The following KARS1 variants were observed in gnomAD, a reference collection of about 807,000 sequenced individuals.
KARS1 encodes the protein lysine--tRNA ligase.
KARS1 carries 50 observed loss-of-function variants against 63.9 expected under a neutral mutation model. The observed-to-expected ratio is 0.78, with a 90% CI of 0.62 to 0.99. KARS1 has a LOEUF of 0.99. Ranked by LOEUF, KARS1 falls within the 50% of genes least tolerant of loss-of-function variation. KARS1 has a pLI of 0.00. For synonymous variants in KARS1, 320 were observed against 264.6 expected (o/e 1.21, Z -2.03); for missense variants, 816 against 754.5 (o/e 1.08, Z -0.95).
At chr16:75,636,414 G>A (rs1310651006) in intron 4 of KARS1, 40 bp downstream of exon 4, 17 of 1,318,356 alleles carry the variant, frequency 1.3e-5, no homozygotes, top group Non-Finnish European at 1.9e-5. Flanking sequence ...GTTGCTCTAG[G>A]CCAACCAAGA....
chr16:75,640,670 C>T (rs1301308126), intron 2 of KARS1, among the ~76,000 whole-genome samples: 3 of 152,178 alleles, frequency 2.0e-5, no homozygotes, highest in Non-Finnish European at 2.9e-5. Flanking sequence ...CATGGTGAGT[C>T]GAGTCACTTA....
At position 75,642,786 on chromosome 16, in the gene KARS1, C is replaced by T. The variant is rs367996002; in HGVS notation, c.63-1063G>A. 7 of 152,278 alleles carry T rather than the reference C, an allele frequency of 4.6e-5. No homozygotes were observed. The East Asian group carries it at 5.8e-4, about 13-fold the overall frequency. The allele number at this position is 152,278 out of a possible 1,614,324, so 9.4% of individuals were successfully genotyped here. On this transcript the variant is annotated intron_variant, in intron 1 of 13. Coordinates refer to ENST00000302445, the MANE Select transcript of KARS1 (RefSeq NM_005548.3). ...TAGTCAGGCTGCCTGGGACTAAATTCCAACACACTTGTCAATTATGTGACT... is the reference window on the plus strand; with the variant it reads ...TAGTCAGGCTGCCTGGGACTAAATTTCAACACACTTGTCAATTATGTGACT...
chr16:75,643,645 C>T (rs1034073575), intron 1 of KARS1, among the ~76,000 whole-genome samples: 3 of 152,186 alleles, frequency 2.0e-5, no homozygotes, highest in Admixed American at 2.0e-4. Flanking sequence ...TCCCAAAGTG[C>T]TGGGATTACA....
At chr16:75,644,293 C>G (rs1328771297) in intron 1 of KARS1, 3 of 1,600,910 alleles carry the variant, frequency 1.9e-6, no homozygotes, top group Non-Finnish European at 2.6e-6. Flanking sequence ...CTTCTTTGAT[C>G]AGAAAATGAC....
chr16:75,639,250 A>T (rs1042640907), intron 3 of KARS1, among the ~76,000 whole-genome samples: 2 of 152,166 alleles, frequency 1.3e-5, no homozygotes, highest in Non-Finnish European at 2.9e-5. Context: ...GTATCTGAGA[A>T]TACTGAACTA....
At chr16:75,635,535 C>T in intron 6 of KARS1, 145 bp downstream of exon 6, 1 of 942,006 alleles carries the variant, frequency 1.1e-6, no homozygotes, top group Non-Finnish European at 1.7e-6. Flanking sequence ...CAAGGTAGAA[C>T]AGAGACGATG....
chr16:75,631,086 C>A, intron 10 of KARS1, 82 bp downstream of exon 10: 2 of 1,054,008 alleles, frequency 1.9e-6, no homozygotes, highest in East Asian at 2.5e-5. Flanking sequence ...TGAACTCTCC[C>A]CAGTGGGGTT....
At chr16:75,636,631 ATTTTT>A in intron 3 of KARS1, 84 bp from the exon 4 acceptor site, 1 of 727,920 alleles carries the variant, frequency 1.4e-6, no homozygotes, top group Non-Finnish European at 2.3e-6. Flanking sequence ...CTCCCTCTGC[ATTTTT>A]TTTTTTGTTT....
chr16:75,633,515 CTTT>C (rs770761249), intron 7 of KARS1, among the ~76,000 whole-genome samples: 65 of 127,496 alleles, frequency 5.1e-4, no homozygotes, highest in African/African-American at 1.7e-3. Flanking sequence ...TTTGAAGATA[CTTT>C]TTTTTTTTTT....
In KARS1 at chr16:75,628,720, A is replaced by G; in HGVS notation, c.1552-8T>C. ...ATCACCTGCAGCCTTGGCCTAGAAG[A>G]GGAAAGAGAACCAAAAGGTGACCTT... On this transcript the variant is annotated splice_region_variant and splice_polypyrimidine_tract_variant and intron_variant, in intron 12 of 13. Transcript: ENST00000302445. 1.2e-6 allele frequency: 2 copies of G among 1,614,196 alleles called. No homozygotes were observed. The highest frequency in any genetic ancestry group is 1.7e-6 in the Non-Finnish European group (2 of 1,180,012).
intron 6 of KARS1, 64 bp downstream of exon 6, chr16:75,635,616 A>C: frequency 1.9e-6 from 3 of 1,584,516 alleles, no homozygotes; most frequent in Non-Finnish European, 2.6e-6. Flanking sequence ...AAAGGAAGGC[A>C]AGGGAGAGGA....
chr16:75,642,551 C>T (rs184691039), intron 1 of KARS1, among the ~76,000 whole-genome samples: 1 of 152,006 alleles, frequency 6.6e-6, no homozygotes, highest in African/African-American at 2.4e-5. Context: ...CCTCTGCTAC[C>T]CCCTCTCTCT....
At chr16:75,632,142 C>T (rs1392012835) in intron 7 of KARS1, among the ~76,000 whole-genome samples, 5 of 151,968 alleles carry the variant, frequency 3.3e-5, no homozygotes, top group African/African-American at 9.7e-5. Flanking sequence ...TGCCTGCCTC[C>T]GCCTCCCAAA....
intron 6 of KARS1, among the ~76,000 whole-genome samples, chr16:75,634,792 G>T (rs1194002303): frequency 6.6e-6 from 1 of 152,140 alleles, no homozygotes. Flanking sequence ...AGCCAGGATG[G>T]TCTCGATCTC....
intron 12 of KARS1, 37 bp from the exon 13 acceptor site, chr16:75,628,749 CTAAGA>C (rs2082078733): frequency 6.2e-7 from 1 of 1,612,162 alleles, no homozygotes; most frequent in Admixed American, 1.7e-5. Context: ...TGACCTTCTT[CTAAGA>C]TATCTCAGTG....
rs375607294 is a variant in KARS1 at position 75,635,815 on chromosome 16, A to C, written c.670-10T>G. The C allele has an allele frequency of 3.7e-6, 6 of 1,614,114 alleles. No homozygotes were observed. The African/African-American group carries it at 8.0e-5, about 22-fold the overall frequency. ...GGCGATACCTTGTTTCCTAAACCAA[A>C]AGCAGCAGTTAGAAATCACTGGTAT... On this transcript the variant is annotated splice_polypyrimidine_tract_variant and intron_variant, in intron 5 of 13. Coordinates refer to ENST00000302445, the MANE Select transcript of KARS1 (RefSeq NM_005548.3).
At chr16:75,637,900 C>CAAAAAAAAAAAAAAAAAAAAAAAA (rs11386229) in intron 3 of KARS1, among the ~76,000 whole-genome samples, 1 of 93,780 alleles carries the variant, frequency 1.1e-5, no homozygotes, top group Non-Finnish European at 2.3e-5. Context: ...AAAAAGAGAC[C>CAAAAAAAAAAAAAAAAAAAAAAAA]AAAAAAAAAA....
chr16:75,630,713 G>C (rs1414919232), intron 10 of KARS1, among the ~76,000 whole-genome samples: 1 of 151,998 alleles, frequency 6.6e-6, no homozygotes, highest in African/African-American at 2.4e-5. Flanking sequence ...TCGGCTTGCT[G>C]CAACCTCCGC....
At chr16:75,641,752 G>C (rs748894992) in intron 1 of KARS1, 29 bp from the exon 2 acceptor site, 1 of 1,612,016 alleles carries the variant, frequency 6.2e-7, no homozygotes, top group Non-Finnish European at 8.5e-7. Context: ...CGTTCAATGT[G>C]TTAGCTGCCT....
Sources: gnomAD v4.1 joint callset for allele counts (sites outside exome capture counted in the v4.1 genomes callset) on GRCh38, gnomAD v4.1.1 for gene constraint, MANE v1.5 for transcripts, NCBI Gene and HGNC (gene_info 2026-07-23, HGNC 2026-07-21) for gene names.